DPYSL2: variants seen among roughly 807,000 people sequenced by gnomAD.
DPYSL2 encodes the protein dihydropyrimidinase-related protein 2.
A neutral mutation model predicts 69.9 loss-of-function variants in DPYSL2; 13 were observed. The observed-to-expected ratio is 0.19, with a 90% confidence interval of 0.12 to 0.30. The LOEUF (loss-of-function observed/expected upper bound fraction) is 0.30, where lower values mean the gene tolerates loss of function less well. Ranked by LOEUF, DPYSL2 falls within the 10% of genes least tolerant of loss-of-function variation. DPYSL2 has a pLI of 1.00. For synonymous variants in DPYSL2, 326 were observed against 359.1 expected, an observed-to-expected ratio of 0.91 and a Z score of 1.04; for missense variants, 587 against 918.9, an observed-to-expected ratio of 0.64 and a Z score of 4.67.
intron 1 of DPYSL2, among the ~76,000 whole-genome samples, chr8:26,581,615 C>G (rs113944414): frequency 7.2e-5 from 11 of 152,212 alleles, no homozygotes; most frequent in African/African-American, 2.6e-4. Context: ...CTCAGGTGAT[C>G]CGCCCATCTT....
rs1212808795 is a variant in DPYSL2 at position 26,593,938 on chromosome 8, T to C, written c.628+9955T>C. ...TGAGACAAAAATCAAAAGGGCCTGA[T>C]AATAACATAGAATCATGGACTCTTA... is the stretch of plus-strand genomic sequence containing the variant. On this transcript the variant is annotated intron_variant, in intron 3 of 13. Coordinates refer to ENST00000521913, the MANE Select transcript of DPYSL2 (RefSeq NM_001197293.3). This position sits in a 1 kb window ranked among gnomAD's most constrained non-coding sequence, Gnocchi z 5.7. 6.6e-6 allele frequency among the ~76,000 whole-genome samples: 1 copy of C among 152,168 alleles called. No individual in the cohort carries two copies. The highest frequency in any genetic ancestry group is 1.5e-5 in the Non-Finnish European group (1 of 68,018).
At chr8:26,527,938 G>A (rs1207543004) in intron 1 of DPYSL2, among the ~76,000 whole-genome samples, 1 of 151,832 alleles carries the variant, frequency 6.6e-6, no homozygotes, top group African/African-American at 2.4e-5. Context: ...GAGTAGCTGG[G>A]ATTACAGGCA....
chr8:26,652,262 C>G lies in DPYSL2; in HGVS notation c.1602C>G (p.Leu534=). 1.2e-6 allele frequency: 2 copies of G among 1,612,912 alleles called. No homozygotes were observed. The highest frequency in any genetic ancestry group is 1.7e-6 in the Non-Finnish European group (2 of 1,179,436). The change falls in exon 12 of 14, where the codon CTC becomes CTG. Residue 534 remains leucine, a synonymous_variant. Coordinates refer to ENST00000521913, the MANE Select transcript of DPYSL2 (RefSeq NM_001197293.3). The surrounding 1 kb of genome is among the most constrained non-coding windows in gnomAD (Gnocchi z 6.3). ...TTACTTTGCCTTCTTCTCAGTCTCT[C>G]GAGTACAACATCTTTGAAGGCATGG... ...TISAKTHNSS[L]EYNIFEGMEC... is the part of the protein sequence containing the mutation.
At chr8:26,559,542 A>G (rs1011210799) in intron 1 of DPYSL2, among the ~76,000 whole-genome samples, 2 of 152,158 alleles carry the variant, frequency 1.3e-5, no homozygotes, top group Non-Finnish European at 2.9e-5. Flanking sequence ...CCTTTAGTAA[A>G]GTTAAACATA....
At position 26,580,569 on chromosome 8, in the gene DPYSL2, A is replaced by G. The variant is rs114431663; in HGVS notation, c.355-1400A>G. ...GTTTTCAGTATGTTAGAGAGACAAT[A>G]AATACTTTCTGAACCAAGGTGTGTG... On this transcript the variant is annotated intron_variant, in intron 1 of 13. Transcript: ENST00000521913. This position sits in a 1 kb window ranked among gnomAD's most constrained non-coding sequence, Gnocchi z 4.1. Among the ~76,000 whole-genome samples, 1,989 of 152,334 alleles carry G rather than the reference A, an allele frequency of 0.013. 45 individuals are homozygous for G. Among genetic ancestry groups the G allele is most frequent in the African/African-American group, 0.043 (1,803 of 41,574 alleles).
At chr8:26,633,254 C>A (rs1802821111) in intron 7 of DPYSL2, among the ~76,000 whole-genome samples, 1 of 152,204 alleles carries the variant, frequency 6.6e-6, no homozygotes, top group Admixed American at 6.5e-5. Context: ...AAGCCCCAGT[C>A]CCTCCCCTCC....
At chr8:26,572,858 A>G (rs554709894) in intron 1 of DPYSL2, among the ~76,000 whole-genome samples, 1 of 152,310 alleles carries the variant, frequency 6.6e-6, no homozygotes, top group Admixed American at 6.5e-5. Context: ...CCTTGAATGG[A>G]AGAAAAATCA....
At position 26,643,899 on chromosome 8, in the gene DPYSL2, G is replaced by A. The variant is rs369265713; in HGVS notation, c.1284-51G>A. 45 of 1,584,274 alleles carry A rather than the reference G, an allele frequency of 2.8e-5. No homozygotes were observed. Among genetic ancestry groups the A allele is most frequent in the African/African-American group, 1.6e-4 (12 of 74,582 alleles). On this transcript the variant is annotated intron_variant, in intron 9 of 13. Coordinates refer to ENST00000521913, the MANE Select transcript of DPYSL2 (RefSeq NM_001197293.3). The surrounding 1 kb of genome is among the most constrained non-coding windows in gnomAD (Gnocchi z 6.5). ...GACAGCCCACCAAATAGGTGTAGGC[G>A]CACAGCATCTTGACGAAGCTGCAGC...
At chr8:26,529,296 T>TATC (rs1234971943) in intron 1 of DPYSL2, among the ~76,000 whole-genome samples, 81 of 141,150 alleles carry the variant, frequency 5.7e-4, no homozygotes, top group African/African-American at 2.0e-3. Context: ...TCTATCTATC[T>TATC]ATCTATCATC....
At chr8:26,555,477 C>T (rs189020508) in intron 1 of DPYSL2, among the ~76,000 whole-genome samples, 1 of 152,172 alleles carries the variant, frequency 6.6e-6, no homozygotes. Flanking sequence ...TTAGAATTTA[C>T]ATTAAAAACA....
chr8:26,542,312 C>T (rs1170701684), intron 1 of DPYSL2, among the ~76,000 whole-genome samples: 2 of 152,022 alleles, frequency 1.3e-5, no homozygotes, highest in Admixed American at 6.6e-5. Context: ...AAAAAACCCA[C>T]AAAAGGTATA....
chr8:26,546,777 C>T lies in DPYSL2; in HGVS notation c.354+32098C>T, dbSNP rs189889467. 9.2e-5 allele frequency among the ~76,000 whole-genome samples: 14 copies of T among 151,734 alleles called. No individual in the cohort carries two copies. The East Asian group carries it at 9.8e-4, about 11-fold the overall frequency. ...TACTAAAAATTCAAAAAAAATTAGC[C>T]GGGCGTGGTGGCGGGCACCTGTAGT... On this transcript the variant is annotated intron_variant, in intron 1 of 13. Transcript: ENST00000521913.
intron 1 of DPYSL2, among the ~76,000 whole-genome samples, chr8:26,557,199 G>GACTTCAAAAGTGAAAAACATTTT (rs1554535536): frequency 2.7e-3 from 402 of 151,062 alleles, no homozygotes; most frequent in African/African-American, 9.4e-3. Flanking sequence ...TGATAAGCTG[G>GACTTCAAAAGTGAAAAACATTTT]ACTTCAAAAG....
chr8:26,570,239 G>A (rs1048847880), intron 1 of DPYSL2, among the ~76,000 whole-genome samples: 19 of 105,008 alleles, frequency 1.8e-4, no homozygotes, highest in Admixed American at 1.0e-4. Flanking sequence ...TCCTATGAGG[G>A]GAGGGCCAGA....
rs937866448 is a variant in DPYSL2, at chr8:26,585,705, G to A, written c.628+1722G>A. Among the ~76,000 whole-genome samples the A allele has an allele frequency of 2.6e-5, 4 of 152,162 alleles. No individual in the cohort carries two copies. Among genetic ancestry groups the A allele is most frequent in the East Asian group, 1.9e-4 (1 of 5,196 alleles). On this transcript the variant is annotated intron_variant, in intron 3 of 13. Transcript: ENST00000521913. This position sits in a 1 kb window ranked among gnomAD's most constrained non-coding sequence, Gnocchi z 4.0. The stretch of plus-strand genomic sequence containing the variant: ...GAACTTGGAGAAGCTTAGACTATTC[G>A]GGTGTCAGCCGGGAAGGCCAAGTCA...
In DPYSL2 at chr8:26,623,369, T is replaced by A. The variant is rs115348601; in HGVS notation, c.629-774T>A. On this transcript the variant is annotated intron_variant, in intron 3 of 13. Transcript: ENST00000521913. The stretch of plus-strand genomic sequence containing the variant: ...AAATCAGGGAATGACATAAGATTGA[T>A]GGATATGCTATCTCCTTTAATCCTC... Among the ~76,000 whole-genome samples the A allele has an allele frequency of 7.1e-3, 1,074 of 152,332 alleles. 17 individuals are homozygous for A. The highest frequency in any genetic ancestry group is 0.025 in the African/African-American group (1,025 of 41,570).
At chr8:26,549,496 G>A (rs917582571) in intron 1 of DPYSL2, among the ~76,000 whole-genome samples, 5 of 152,024 alleles carry the variant, frequency 3.3e-5, no homozygotes, top group African/African-American at 1.2e-4. Flanking sequence ...AGGGACAGGG[G>A]ACATACTGGA....
intron 3 of DPYSL2, among the ~76,000 whole-genome samples, chr8:26,611,488 C>T (rs1802226819): frequency 6.6e-6 from 1 of 152,138 alleles, no homozygotes; most frequent in Admixed American, 6.5e-5. Context: ...TAGAGGAATT[C>T]CAGAAATGAA....
chr8:26,648,118 A>T lies in DPYSL2; in HGVS notation c.1596+318A>T, dbSNP rs1209444846. On this transcript the variant is annotated intron_variant, in intron 11 of 13. Coordinates refer to ENST00000521913, the MANE Select transcript of DPYSL2 (RefSeq NM_001197293.3). The surrounding 1 kb of genome is among the most constrained non-coding windows in gnomAD (Gnocchi z 4.3). Reference sequence around the variant, plus strand: ...CACCGCTCCATTTTCATAGGTTGGCACAGCACTTCTCATGGCAGTACTTGG... The same window carrying T: ...CACCGCTCCATTTTCATAGGTTGGCTCAGCACTTCTCATGGCAGTACTTGG... Among the ~76,000 whole-genome samples the T allele has an allele frequency of 6.6e-6, 1 of 152,156 alleles. No individual in the cohort carries two copies. The highest frequency in any genetic ancestry group is 1.5e-5 in the Non-Finnish European group (1 of 68,040).
Sources: gnomAD v4.1 joint callset for allele counts (sites outside exome capture counted in the v4.1 genomes callset) on GRCh38, gnomAD v4.1.1 for gene constraint, Gnocchi (gnomAD v3.1) non-coding constraint, MANE v1.5 for transcripts, NCBI Gene and HGNC (gene_info 2026-07-23, HGNC 2026-07-21) for gene names.